PRSS23: variants seen among roughly 807,000 people sequenced by gnomAD.
PRSS23 encodes protease, serine 23.
A neutral mutation model predicts 34.7 loss-of-function variants in PRSS23; 25 were observed. The observed-to-expected ratio is 0.72, with a 90% CI of 0.53 to 1.01. PRSS23 has a LOEUF of 1.01. PRSS23 is among the 50% of genes least tolerant of loss of function. The probability of loss-of-function intolerance (pLI) is 0.00; values close to 1 mark genes in which losing one functional copy is unlikely to be tolerated. For missense variants in PRSS23, 445 were observed against 475.6 expected (o/e 0.94, Z 0.60); for synonymous variants, 176 against 186.6 (o/e 0.94, Z 0.46).
At chr11:86,864,107 C>A (rs1948634005) in intron 2 of PRSS23, among the ~76,000 whole-genome samples, 1 of 152,198 alleles carries the variant, frequency 6.6e-6, no homozygotes, top group African/African-American at 2.4e-5. Context: ...ATTGATCCTA[C>A]CTTCATTTTA....
intron 2 of PRSS23, among the ~76,000 whole-genome samples, chr11:86,891,147 G>A (rs539996126): frequency 6.6e-6 from 1 of 152,230 alleles, no homozygotes; most frequent in East Asian, 1.9e-4. Context: ...GACTGAGCCT[G>A]TGAGACATTT....
intron 2 of PRSS23, among the ~76,000 whole-genome samples, chr11:86,886,499 T>C (rs543243121): frequency 2.0e-4 from 31 of 152,348 alleles, no homozygotes; most frequent in Non-Finnish European, 4.0e-4. Context: ...CCAAATCTGC[T>C]TCTTTTGCTC....
chr11:86,853,855 G>A (rs1252766412), intron 2 of PRSS23, among the ~76,000 whole-genome samples: 1 of 151,930 alleles, frequency 6.6e-6, no homozygotes, highest in Non-Finnish European at 1.5e-5. Flanking sequence ...AATCATATTC[G>A]AGCATTCCTA....
intron 2 of PRSS23, among the ~76,000 whole-genome samples, chr11:86,927,744 G>A (rs1011998133): frequency 6.6e-6 from 1 of 152,124 alleles, no homozygotes. Flanking sequence ...ATACTAGGCC[G>A]GGCGTGGTGG....
intron 1 of PRSS23, among the ~76,000 whole-genome samples, chr11:86,822,564 T>C (rs955880471): frequency 6.9e-6 from 1 of 145,638 alleles, no homozygotes; most frequent in African/African-American, 2.6e-5. Context: ...GAGACTGCAG[T>C]GAGCTGTGAT....
At chr11:86,822,327 A>T (rs1177485823) in intron 1 of PRSS23, among the ~76,000 whole-genome samples, 1 of 152,176 alleles carries the variant, frequency 6.6e-6, no homozygotes, top group Non-Finnish European at 1.5e-5. Context: ...TGGCTGTAGA[A>T]AGCAAAACTA....
intron 1 of PRSS23, among the ~76,000 whole-genome samples, chr11:86,805,312 G>T (rs1239525634): frequency 3.9e-5 from 6 of 152,146 alleles, no homozygotes; most frequent in Non-Finnish European, 7.4e-5. Flanking sequence ...CTCCTAAAGG[G>T]TTGTCATCAC....
chr11:86,904,418 C>A (rs114494086), intron 2 of PRSS23, among the ~76,000 whole-genome samples: 1,753 of 152,104 alleles, frequency 0.012, 37 homozygotes, highest in African/African-American at 0.04. Flanking sequence ...CAGTTTAGTC[C>A]CTTGGCTTTC....
chr11:86,812,989 C>A (rs993704953), downstream of PRSS23, among the ~76,000 whole-genome samples: 2 of 152,004 alleles, frequency 1.3e-5, no homozygotes, highest in South Asian at 4.2e-4. Context: ...TAAAGATCCT[C>A]CCTCTTCTGG....
At chr11:86,894,991 T>C (rs1948865180) in intron 2 of PRSS23, among the ~76,000 whole-genome samples, 1 of 152,216 alleles carries the variant, frequency 6.6e-6, no homozygotes, top group African/African-American at 2.4e-5. Context: ...AAGGATCTAG[T>C]ATTTTTCCTC....
At chr11:86,853,460 G>A (rs1359628870) in intron 2 of PRSS23, among the ~76,000 whole-genome samples, 1 of 151,558 alleles carries the variant, frequency 6.6e-6, no homozygotes, top group Non-Finnish European at 1.5e-5. Flanking sequence ...TCACCGTTTT[G>A]GCCAGGCTGG....
chr11:86,912,105 T>C (rs1287396838), intron 2 of PRSS23: 1 of 152,168 alleles, frequency 6.6e-6, no homozygotes, highest in African/African-American at 2.4e-5. Flanking sequence ...TGTTTTTGTA[T>C]ATGCATCTCC....
chr11:86,829,170 T>C (rs1948329487), intron 2 of PRSS23, among the ~76,000 whole-genome samples: 1 of 152,244 alleles, frequency 6.6e-6, no homozygotes, highest in African/African-American at 2.4e-5. Flanking sequence ...TAGTCCCATA[T>C]TTCTTGGAGG....
intron 2 of PRSS23, among the ~76,000 whole-genome samples, chr11:86,836,358 C>G (rs1948405509): frequency 6.6e-6 from 1 of 152,094 alleles, no homozygotes; most frequent in East Asian, 1.9e-4. Flanking sequence ...GGAAAGGAGG[C>G]AGAATCCTTT....
chr11:86,882,515 A>G (rs902834775), intron 2 of PRSS23, among the ~76,000 whole-genome samples: 4 of 151,710 alleles, frequency 2.6e-5, no homozygotes, highest in African/African-American at 7.3e-5. Flanking sequence ...AGCTCCATCC[A>G]TGTCCCTACG....
At chr11:86,935,795 A>G (rs910781602) in intron 2 of PRSS23, 3 of 152,232 alleles carry the variant, frequency 2.0e-5, no homozygotes, top group African/African-American at 7.2e-5. Flanking sequence ...TGCCAACTCC[A>G]AAGTACATGC....
At position 86,826,399 on chromosome 11, in the gene PRSS23, C is replaced by T. The variant is rs573219149; in HGVS notation, c.206+2806C>T. On this transcript the variant is annotated intron_variant, in intron 2 of 2. Coordinates refer to the PRSS23 transcript ENST00000533902. ...AGCTTAAGGAGATTTTGCGCTGAGA[C>T]GATGGGGTTTTCTAGATATACAATC... is the stretch of plus-strand genomic sequence containing the variant. Among the ~76,000 whole-genome samples, 323 of 152,294 alleles carry T rather than the reference C, an allele frequency of 2.1e-3. 2 individuals carry two copies. The highest frequency in any genetic ancestry group is 7.0e-3 in the African/African-American group (291 of 41,554).
chr11:86,805,123 G>A (rs1375731944), intron 1 of PRSS23, among the ~76,000 whole-genome samples: 1 of 152,200 alleles, frequency 6.6e-6, no homozygotes, highest in Non-Finnish European at 1.5e-5. Flanking sequence ...ACAGCCATGT[G>A]GGAGATATAT....
At chr11:86,861,089 T>G (rs1176859454) in intron 2 of PRSS23, among the ~76,000 whole-genome samples, 1 of 151,756 alleles carries the variant, frequency 6.6e-6, no homozygotes, top group Non-Finnish European at 1.5e-5. Flanking sequence ...AAGATAATAT[T>G]ACTCGAAATA....
Sources: allele counts gnomAD v4.1 joint callset (sites outside exome capture counted in the v4.1 genomes callset), GRCh38; gene constraint gnomAD v4.1.1; transcripts MANE v1.5; gene names NCBI Gene and HGNC (gene_info 2026-07-23, HGNC 2026-07-21).